The following ZMYM2 variants were observed in gnomAD, a reference collection of about 807,000 sequenced individuals.
The protein encoded by ZMYM2 is zinc finger MYM-type containing 2.
In ZMYM2, 56 loss-of-function variants were observed where a neutral mutation model predicts 162.8. The ratio of observed to expected loss-of-function variants is 0.34; its 90% confidence interval spans 0.28 to 0.43. ZMYM2 has a LOEUF of 0.43. ZMYM2 is among the 20% of genes least tolerant of loss of function. The pLI is 1.00. For synonymous variants in ZMYM2, 510 were observed against 541.6 expected (o/e 0.94, Z 0.81); for missense variants, 1,275 against 1,621.8 (o/e 0.79, Z 3.67).
chr13:20,007,191 G>A (rs1292205949), intron 6 of ZMYM2, among the ~76,000 whole-genome samples: 5 of 151,730 alleles, frequency 3.3e-5, no homozygotes, highest in Non-Finnish European at 5.9e-5. Flanking sequence ...GCTGGAGTGC[G>A]TTGGCGTGAT....
the ZMYM2 span, among the ~76,000 whole-genome samples, chr13:19,893,469 G>A: frequency 2.6e-5 from 4 of 152,070 alleles, no homozygotes; most frequent in Non-Finnish European, 5.9e-5. Context: ...CAGGCACGGT[G>A]GCTCACGCCT....
intron 1 of ZMYM2, among the ~76,000 whole-genome samples, chr13:19,959,221 G>A (rs1317849211): frequency 6.7e-6 from 1 of 149,588 alleles, no homozygotes; most frequent in African/African-American, 2.4e-5. Flanking sequence ...CGGCCGCCCG[G>A]GGAGGTCGCG....
intron 2 of ZMYM2, among the ~76,000 whole-genome samples, chr13:19,991,624 C>CTTTTT (rs11413369): frequency 1.5e-5 from 2 of 131,374 alleles, no homozygotes; most frequent in African/African-American, 5.7e-5. Context: ...TTTTCTTTTT[C>CTTTTT]TTTTTTTTTT....
At chr13:19,876,874 GTC>G in the ZMYM2 span, among the ~76,000 whole-genome samples, 1 of 152,110 alleles carries the variant, frequency 6.6e-6, no homozygotes, top group Non-Finnish European at 1.5e-5. Flanking sequence ...TACCTTATGT[GTC>G]TTAGTCTATT....
At chr13:19,867,609 T>C in the ZMYM2 span, among the ~76,000 whole-genome samples, 5 of 152,032 alleles carry the variant, frequency 3.3e-5, no homozygotes, top group Admixed American at 6.6e-5. Context: ...TTTAAAAAGA[T>C]CTCTAGAATC....
At chr13:19,971,683 T>A (rs1451767017) in intron 2 of ZMYM2, among the ~76,000 whole-genome samples, 1 of 152,058 alleles carries the variant, frequency 6.6e-6, no homozygotes, top group Non-Finnish European at 1.5e-5. Flanking sequence ...TAGAGATGGG[T>A]AAAAGTGGAC....
chr13:19,935,501 C>T, the ZMYM2 span, among the ~76,000 whole-genome samples: 1 of 152,326 alleles, frequency 6.6e-6, no homozygotes, highest in South Asian at 2.1e-4. Context: ...CACCATTTTA[C>T]AATCACACCA....
chr13:19,888,991 C>T, the ZMYM2 span, among the ~76,000 whole-genome samples: 2 of 151,964 alleles, frequency 1.3e-5, no homozygotes, highest in Non-Finnish European at 2.9e-5. Flanking sequence ...ATCTATAGTG[C>T]CACCTTCTGT....
chr13:20,001,530 G>A (rs1389658798), intron 3 of ZMYM2, among the ~76,000 whole-genome samples: 1 of 152,074 alleles, frequency 6.6e-6, no homozygotes, highest in African/African-American at 2.4e-5. Context: ...TCTATTCCTG[G>A]TGAAGATACT....
At chr13:20,031,592 G>A in intron 10 of ZMYM2, 157 bp downstream of exon 10, 5 of 550,246 alleles carry the variant, frequency 9.1e-6, no homozygotes, top group Non-Finnish European at 1.2e-5. Flanking sequence ...ATGTGGGAGT[G>A]GAAAACCAAC....
chr13:19,872,321 G>A, the ZMYM2 span, among the ~76,000 whole-genome samples: 540 of 152,124 alleles, frequency 3.5e-3, 3 homozygotes, highest in Non-Finnish European at 5.1e-3. Flanking sequence ...AAGCTGAGGC[G>A]GGCAGATCAG....
chr13:19,947,696 A>C, the ZMYM2 span, among the ~76,000 whole-genome samples: 2,004 of 90,240 alleles, frequency 0.022, 25 homozygotes, highest in African/African-American at 0.033. Flanking sequence ...CTAGTCTCGA[A>C]TTGTCTCGAA....
At position 19,987,651 on chromosome 13, in the gene ZMYM2, GTGTGTGTA is replaced by G. The variant is rs1162617627; in HGVS notation, c.-10-5410_-10-5403del. Among the ~76,000 whole-genome samples, 57 of 149,824 alleles carry G rather than the reference GTGTGTGTA, an allele frequency of 3.8e-4. 1 individual carries two copies. In the South Asian group the frequency reaches 4.3e-3, roughly 11 times the overall value. The stretch of plus-strand genomic sequence containing the variant: ...TGTGTGTGTGTGTGTGTGTGTGTGT[GTGTGTGTA>G]TAGGAAAGATGGGGTTTTGTCATGT... On this transcript the variant is annotated intron_variant, in intron 2 of 24. Transcript: ENST00000610343.
At chr13:19,904,087 G>A in the ZMYM2 span, among the ~76,000 whole-genome samples, 1 of 152,014 alleles carries the variant, frequency 6.6e-6, no homozygotes, top group Admixed American at 6.6e-5. Context: ...CATTAAAAAG[G>A]CTGATCCATA....
chr13:19,959,232 G>T (rs1954889171), intron 1 of ZMYM2, among the ~76,000 whole-genome samples: 1 of 150,566 alleles, frequency 6.6e-6, no homozygotes, highest in Non-Finnish European at 1.5e-5. Context: ...GGAGGTCGCG[G>T]GGCATTTTCC....
At chr13:19,965,224 A>T in intron 2 of ZMYM2, 1 of 1,291,512 alleles carries the variant, frequency 7.7e-7, no homozygotes, top group Non-Finnish European at 1.0e-6. Context: ...TTATAGCCAT[A>T]CATGTGTATA....
intron 14 of ZMYM2, among the ~76,000 whole-genome samples, chr13:20,055,133 A>G (rs1296111696): frequency 6.6e-6 from 1 of 151,934 alleles, no homozygotes; most frequent in Non-Finnish European, 1.5e-5. Context: ...AGATTCTGGT[A>G]TGAGGAGTAG....
In ZMYM2 at chr13:19,993,155, T is replaced by C. The variant is rs757479177; in HGVS notation, c.83T>C (p.Leu28Pro). Residue 28 changes from leucine (L) to proline (P), a missense_variant, in exon 3 of 25, where the codon CTC (leucine) becomes CCC (proline). Around this residue, in one of 10 missense-constraint regions of ZMYM2, gnomAD observed 295 missense variants for 286.7 expected, o/e 1.03. Coordinates refer to ENST00000610343, the MANE Select transcript of ZMYM2 (RefSeq NM_197968.4). The stretch of plus-strand genomic sequence containing the variant: ...GGGAGTACGGCCATGGCAACTAGTC[T>C]CACGAATGTAGGAAACTCATTTAGT... Reference protein sequence around the residue: ...LLGSTAMATSLTNVGNSFSGP... With the variant: ...LLGSTAMATSPTNVGNSFSGP... 6.2e-7 allele frequency: 1 copy of C among 1,614,142 alleles called. No homozygotes were observed. The highest frequency in any genetic ancestry group is 8.5e-7 in the Non-Finnish European group (1 of 1,180,012).
At chr13:20,061,259 G>A in intron 17 of ZMYM2, 35 bp downstream of exon 17, 1 of 1,591,192 alleles carries the variant, frequency 6.3e-7, no homozygotes, top group Non-Finnish European at 8.6e-7. Flanking sequence ...GCGAATAAGT[G>A]TTAACATTGG....
Sources: allele counts gnomAD v4.1 joint callset (sites outside exome capture counted in the v4.1 genomes callset), GRCh38; gene constraint gnomAD v4.1.1; regional missense constraint gnomAD v4.1.1; transcripts MANE v1.5; gene names NCBI Gene and HGNC (gene_info 2026-07-23, HGNC 2026-07-21).